The following ATG4B variants were observed in gnomAD, a reference collection of about 807,000 sequenced individuals.
ATG4B encodes autophagy related 4B cysteine peptidase.
ATG4B carries 29 observed loss-of-function variants against 56.6 expected under a neutral mutation model. That is an observed-to-expected ratio of 0.51 (90% CI 0.38 to 0.70). The LOEUF is 0.70. Ranked by LOEUF, ATG4B falls within the 30% of genes least tolerant of loss-of-function variation. The pLI, the probability that ATG4B is intolerant of heterozygous loss-of-function variation, is 0.00. For missense variants in ATG4B, 461 were observed against 515.5 expected (o/e 0.89, Z 1.02); for synonymous variants, 224 against 206.1 (o/e 1.09, Z -0.74).
chr2:241,640,330 TATC>T (rs2067845835), intron 1 of ATG4B, among the ~76,000 whole-genome samples: 1 of 152,238 alleles, frequency 6.6e-6, no homozygotes, highest in Non-Finnish European at 1.5e-5. Flanking sequence ...GTTTGTAGGA[TATC>T]ATGGGGAATT....
chr2:241,653,341 T>G (rs751236159), intron 3 of ATG4B, 171 bp from the exon 4 acceptor site: 1 of 1,549,840 alleles, frequency 6.5e-7, no homozygotes, highest in African/African-American at 1.4e-5. Context: ...CCAGTAAATG[T>G]GGCCCTTGGC....
chr2:241,670,139 C>T (rs77157539), intron 10 of ATG4B, among the ~76,000 whole-genome samples: 30,056 of 152,148 alleles, frequency 0.2, 3,308 homozygotes, highest in East Asian at 0.28. Flanking sequence ...CCCCCCATTT[C>T]GTTTCTTTTT....
At chr2:241,653,351 C>T (rs757547084) in intron 3 of ATG4B, 161 bp from the exon 4 acceptor site, 14 of 1,549,826 alleles carry the variant, frequency 9.0e-6, no homozygotes, top group Middle Eastern at 1.7e-4. Flanking sequence ...TGGCCCTTGG[C>T]GTTACTGAGT....
chr2:241,660,587 AAC>A (rs1175445240), intron 7 of ATG4B, among the ~76,000 whole-genome samples: 4 of 152,190 alleles, frequency 2.6e-5, no homozygotes, highest in African/African-American at 9.7e-5. Flanking sequence ...AAACATTGGA[AAC>A]ACAGGAAGAG....
At chr2:241,644,874 G>C (rs190608736) in intron 1 of ATG4B, among the ~76,000 whole-genome samples, 221 of 151,968 alleles carry the variant, frequency 1.5e-3, no homozygotes, top group African/African-American at 5.1e-3. Flanking sequence ...GCTTGAAACC[G>C]GGAGGCGGAG....
At position 241,672,064 on chromosome 2, in the gene ATG4B, G is replaced by A. The variant is rs920590135; in HGVS notation, c.1109-127G>A. 469 of 1,473,504 alleles carry A rather than the reference G, an allele frequency of 3.2e-4. 2 individuals are homozygous for A. Among genetic ancestry groups the A allele is most frequent in the Non-Finnish European group, 3.4e-4 (374 of 1,109,888 alleles). 91.3% of individuals were successfully genotyped at this position (1,473,504 alleles called of 1,614,324 possible). On this transcript the variant is annotated intron_variant, in intron 12 of 12. Transcript: ENST00000404914. ...ACAACCCCCGGACCTGTTCACACCC[G>A]CATGGGGACAGCTGTCTGTGGGCTG...
intron 5 of ATG4B, chr2:241,655,053 C>A (rs2068352518): frequency 1.7e-6 from 1 of 595,970 alleles, no homozygotes; most frequent in Non-Finnish European, 3.0e-6. Context: ...GTGGTCCCTT[C>A]ATTTCCCCTC....
In ATG4B at chr2:241,666,649, G is replaced by T; in HGVS notation, c.543G>T (p.Arg181Ser). ...AAAGCATGTCTCCCTTTCTAGGAAG[G>T]TTGTGCAGGACCAGCGTTCCCTGTG... is the stretch of plus-strand genomic sequence containing the variant. ...DNTVVMEEIR[R>S]LCRTSVPCAG... The change falls in exon 8 of 13, where the codon AGG (arginine) becomes AGT (serine). Residue 181 changes from arginine to serine, a missense_variant. Arg to Ser is a moderately radical substitution (Grantham distance 110, BLOSUM62 -1). Transcript: ENST00000404914. 6.2e-7 allele frequency: 1 copy of T among 1,613,384 alleles called. No homozygotes were observed. Among genetic ancestry groups the T allele is most frequent in the Non-Finnish European group, 8.5e-7 (1 of 1,179,800 alleles).
At chr2:241,660,190 C>T (rs1039979538) in intron 7 of ATG4B, among the ~76,000 whole-genome samples, 2 of 152,072 alleles carry the variant, frequency 1.3e-5, no homozygotes, top group South Asian at 2.1e-4. Flanking sequence ...ATCCGTCCCC[C>T]GCCCCCCAAA....
rs541550072 is a variant in ATG4B, at chr2:241,651,032, C to A, written c.33C>A (p.Leu11=). Residue 11 remains leucine (L), a synonymous_variant, in exon 2 of 13, where the codon CTC becomes CTA. Coordinates refer to ENST00000404914, the MANE Select transcript of ATG4B (RefSeq NM_013325.5). This position sits in a 1 kb window ranked among gnomAD's most constrained non-coding sequence, Gnocchi z 4.1. MDAATLTYDT[L]RFAEFEDFPE... The stretch of plus-strand genomic sequence containing the variant: ...CAGCTACTCTGACCTACGACACTCT[C>A]CGGTTTGCTGAGTTTGAAGATTTTC... 6.2e-7 allele frequency: 1 copy of A among 1,613,904 alleles called. No homozygotes were observed. Among genetic ancestry groups the A allele is most frequent in the African/African-American group, 1.3e-5 (1 of 75,056 alleles).
chr2:241,649,667 G>A (rs2068169773), intron 1 of ATG4B, among the ~76,000 whole-genome samples: 1 of 152,348 alleles, frequency 6.6e-6, no homozygotes, highest in South Asian at 2.1e-4. Context: ...GCTGGCTGGC[G>A]CCTTCTTTTC....
At chr2:241,667,933 T>G in intron 8 of ATG4B, 2 of 558,436 alleles carry the variant, frequency 3.6e-6, no homozygotes, top group Non-Finnish European at 6.4e-6. Context: ...GAAGCTTCCC[T>G]GAGCTGAGCC....
chr2:241,668,052 C>T lies in ATG4B; in HGVS notation c.733-91C>T, dbSNP rs1451147543. ...CCCCTCTTGTGTCACCCAGTTGGGC[C>T]TCAGCAGGCCCTTGGGCCCCCTATG... is the stretch of plus-strand genomic sequence containing the variant. On this transcript the variant is annotated intron_variant, in intron 8 of 12. Coordinates refer to ENST00000404914, the MANE Select transcript of ATG4B (RefSeq NM_013325.5). This position sits in a 1 kb window ranked among gnomAD's most constrained non-coding sequence, Gnocchi z 4.2. 2.2e-6 allele frequency: 3 copies of T among 1,348,072 alleles called. No individual in the cohort carries two copies. The highest frequency in any genetic ancestry group is 3.1e-6 in the Non-Finnish European group (3 of 981,422). The allele number at this position is 1,348,072 out of a possible 1,614,324, so 83.5% of individuals were successfully genotyped here. A position where few individuals can be genotyped will look rare whatever the true frequency, so the allele number is the denominator to read the frequency against.
chr2:241,668,768 G>GTTT lies in ATG4B; in HGVS notation c.957+91_957+93dup, dbSNP rs138661495. The GTTT allele has an allele frequency of 6.1e-3, 8,439 of 1,386,652 alleles. 12 individuals are homozygous for GTTT. Among genetic ancestry groups the GTTT allele is most frequent in the Non-Finnish European group, 6.4e-3 (6,700 of 1,048,038 alleles). The allele number at this position is 1,386,652 out of a possible 1,614,324, so 85.9% of individuals were successfully genotyped here. A position where few individuals can be genotyped will look rare whatever the true frequency, so the allele number is the denominator to read the frequency against. On this transcript the variant is annotated intron_variant, in intron 10 of 12. Transcript: ENST00000404914. This position sits in a 1 kb window ranked among gnomAD's most constrained non-coding sequence, Gnocchi z 4.2. ...ACGAGGAAAACTTTCGGATTTTTGC[G>GTTT]TTTTTTTTTTCAGCATGTTGGGATA...
chr2:241,664,703 T>G (rs2068706271), intron 7 of ATG4B, among the ~76,000 whole-genome samples: 1 of 151,990 alleles, frequency 6.6e-6, no homozygotes, highest in Non-Finnish European at 1.5e-5. Flanking sequence ...ATGGCTCATG[T>G]CTGTAATCTC....
At chr2:241,664,047 T>C (rs1408462318) in intron 7 of ATG4B, among the ~76,000 whole-genome samples, 1 of 152,158 alleles carries the variant, frequency 6.6e-6, no homozygotes, top group Non-Finnish European at 1.5e-5. Context: ...CTTGATCTCC[T>C]GACCTCATGA....
At chr2:241,650,535 TGC>T (rs2068198673) in intron 1 of ATG4B, among the ~76,000 whole-genome samples, 1 of 152,150 alleles carries the variant, frequency 6.6e-6, no homozygotes, top group African/African-American at 2.4e-5. Flanking sequence ...AACGACTCTT[TGC>T]CCTGTTTCTT....
chr2:241,654,770 A>G (rs2068342952), intron 5 of ATG4B, 123 bp downstream of exon 5: 8 of 748,246 alleles, frequency 1.1e-5, no homozygotes, highest in South Asian at 6.9e-5. Context: ...AAACCTGTAA[A>G]CACTGACCTC....
At chr2:241,654,071 G>A (rs2068310870) in intron 4 of ATG4B, among the ~76,000 whole-genome samples, 7 of 150,700 alleles carry the variant, frequency 4.6e-5, no homozygotes, top group African/African-American at 1.7e-4. Context: ...GTACAGATTT[G>A]TTTTGATAAC....
Sources: gnomAD v4.1 joint callset for allele counts (sites outside exome capture counted in the v4.1 genomes callset) on GRCh38, gnomAD v4.1.1 for gene constraint, Gnocchi (gnomAD v3.1) non-coding constraint, MANE v1.5 for transcripts, NCBI Gene and HGNC (gene_info 2026-07-23, HGNC 2026-07-21) for gene names.